Variants in WWTR1 observed in about 807,000 individuals in gnomAD.
WWTR1 encodes WW domain containing transcription regulator 1.
WWTR1 carries 13 observed loss-of-function variants against 40.1 expected under a neutral mutation model. The ratio of observed to expected loss-of-function variants is 0.32; its 90% CI spans 0.21 to 0.52. The LOEUF (loss-of-function observed/expected upper bound fraction) is 0.52, where lower values mean the gene tolerates loss of function less well. Among genes scored for constraint, WWTR1 ranks in the 20% least tolerant of loss-of-function variants. The pLI is 0.97. For missense variants in WWTR1, 436 were observed against 523.1 expected, an observed-to-expected ratio of 0.83 and a Z score of 1.63; for synonymous variants, 230 against 210.1, an observed-to-expected ratio of 1.09 and a Z score of -0.82.
At chr3:149,527,153 CTTTCT>C (rs769388536) in intron 5 of WWTR1, among the ~76,000 whole-genome samples, 51 of 144,394 alleles carry the variant, frequency 3.5e-4, no homozygotes, top group Admixed American at 4.8e-4. Context: ...CTTTTCTTTT[CTTTCT>C]TTTTTTTTTT....
intron 3 of WWTR1, among the ~76,000 whole-genome samples, chr3:149,566,469 C>G (rs1168236570): frequency 6.6e-6 from 1 of 152,042 alleles, no homozygotes; most frequent in Non-Finnish European, 1.5e-5. Flanking sequence ...GCTGCATAAA[C>G]CACAAAGTTC....
At chr3:149,714,991 C>T (rs1715569203) in intron 5 of WWTR1, among the ~76,000 whole-genome samples, 1 of 152,136 alleles carries the variant, frequency 6.6e-6, no homozygotes, top group African/African-American at 2.4e-5. Flanking sequence ...GCTACCCTCT[C>T]TGCTGACAGC....
rs530378890 is a variant in WWTR1, at chr3:149,722,888, A to C, written n.459+1192T>G. 3.3e-5 allele frequency among the ~76,000 whole-genome samples: 5 copies of C among 151,802 alleles called. No homozygotes were observed. The South Asian group carries it at 8.3e-4, about 25-fold the overall frequency. Reference sequence around the variant, plus strand: ...TTCTTTTTAGGTTTTCTATTTCTTTATTGATATTTACATTTTCTTCACATA... The same window carrying C: ...TTCTTTTTAGGTTTTCTATTTCTTTCTTGATATTTACATTTTCTTCACATA... On this transcript the variant is annotated intron_variant and non_coding_transcript_variant, in intron 4 of 6. Coordinates refer to the WWTR1 transcript ENST00000474080.
intron 2 of WWTR1, among the ~76,000 whole-genome samples, chr3:149,578,806 G>A (rs1218272725): frequency 6.6e-6 from 1 of 152,068 alleles, no homozygotes; most frequent in East Asian, 1.9e-4. Context: ...CTTGAACCGG[G>A]GAGGCGGAGG....
intron 2 of WWTR1, among the ~76,000 whole-genome samples, chr3:149,612,376 GA>G (rs1401313991): frequency 0.031 from 4,078 of 132,620 alleles, 146 homozygotes; most frequent in African/African-American, 0.098. Flanking sequence ...GAGGGGAAAA[GA>G]AAAAAAAAAA....
intron 4 of WWTR1, among the ~76,000 whole-genome samples, chr3:149,538,201 T>C (rs13060819): frequency 0.23 from 35,175 of 152,146 alleles, 4,231 homozygotes; most frequent in Non-Finnish European, 0.26. Context: ...ATTACACGCG[T>C]CAGCCACCAC....
intron 2 of WWTR1, among the ~76,000 whole-genome samples, chr3:149,653,459 G>A (rs1713017742): frequency 6.6e-6 from 1 of 152,168 alleles, no homozygotes; most frequent in Admixed American, 6.5e-5. Context: ...TTTATTTAGA[G>A]ATGGGGTGGG....
intron 4 of WWTR1, among the ~76,000 whole-genome samples, chr3:149,531,858 G>C (rs1735598110): frequency 6.6e-6 from 1 of 152,162 alleles, no homozygotes; most frequent in Non-Finnish European, 1.5e-5. Context: ...AACAGTGCTA[G>C]GCATACAGTG....
chr3:149,651,336 A>C (rs905534560), intron 2 of WWTR1, among the ~76,000 whole-genome samples: 1 of 152,208 alleles, frequency 6.6e-6, no homozygotes, highest in Non-Finnish European at 1.5e-5. Context: ...AACCAAAAAA[A>C]TAGGAAGACA....
At chr3:149,637,675 C>G (rs1711913618) in intron 2 of WWTR1, among the ~76,000 whole-genome samples, 1 of 152,092 alleles carries the variant, frequency 6.6e-6, no homozygotes, top group Admixed American at 6.5e-5. Flanking sequence ...ACAAACAAAC[C>G]TTACACGACA....
At chr3:149,697,850 C>T (rs1158414131) in intron 1 of WWTR1, among the ~76,000 whole-genome samples, 1 of 152,216 alleles carries the variant, frequency 6.6e-6, no homozygotes, top group African/African-American at 2.4e-5. Context: ...ATTGGGTAAA[C>T]ATTCCTATTC....
At chr3:149,608,801 T>G (rs938032163) in intron 2 of WWTR1, among the ~76,000 whole-genome samples, 1 of 151,972 alleles carries the variant, frequency 6.6e-6, no homozygotes, top group Non-Finnish European at 1.5e-5. Flanking sequence ...CGCTATAATC[T>G]CAGCACTTTG....
chr3:149,591,807 A>G (rs1332949163), intron 2 of WWTR1, among the ~76,000 whole-genome samples: 2 of 152,176 alleles, frequency 1.3e-5, no homozygotes, highest in South Asian at 2.1e-4. Context: ...AAATACTCAG[A>G]CCCGTAATAA....
intron 2 of WWTR1, among the ~76,000 whole-genome samples, chr3:149,629,967 C>T (rs1711507125): frequency 6.6e-6 from 1 of 152,104 alleles, no homozygotes; most frequent in African/African-American, 2.4e-5. Context: ...CCACCTCAGC[C>T]TCCCCGGTAG....
intron 1 of WWTR1, among the ~76,000 whole-genome samples, chr3:149,687,835 G>A (rs1714702276): frequency 6.6e-6 from 1 of 152,024 alleles, no homozygotes; most frequent in Non-Finnish European, 1.5e-5. Context: ...CTCCTGGATG[G>A]CATTTGTAGA....
chr3:149,636,807 T>C lies in WWTR1; in HGVS notation c.431+20069A>G, dbSNP rs112160765. Among the ~76,000 whole-genome samples, 1,250 of 151,856 alleles carry C rather than the reference T, an allele frequency of 8.2e-3. 16 individuals carry two copies. The highest frequency in any genetic ancestry group is 0.028 in the African/African-American group (1,173 of 41,438). On this transcript the variant is annotated intron_variant, in intron 2 of 6. Transcript: ENST00000360632. ...TGGGCCAGGCATTAGAGAAGTATTA[T>C]GCACAAAAAATTAGCTGGGTGTGGT...
chr3:149,642,739 C>A (rs1290907627), intron 2 of WWTR1, among the ~76,000 whole-genome samples: 3 of 149,900 alleles, frequency 2.0e-5, no homozygotes, highest in African/African-American at 7.4e-5. Context: ...CGGGCCACTG[C>A]ACTCCAGCCT....
chr3:149,678,822 A>ATT (rs57101843), intron 1 of WWTR1, among the ~76,000 whole-genome samples: 144 of 135,550 alleles, frequency 1.1e-3, no homozygotes, highest in East Asian at 2.6e-3. Context: ...GTTCACAAGT[A>ATT]TTTTTTTTTT....
At chr3:149,542,075 T>C (rs1363764461) in intron 4 of WWTR1, among the ~76,000 whole-genome samples, 2 of 152,208 alleles carry the variant, frequency 1.3e-5, no homozygotes, top group African/African-American at 4.8e-5. Context: ...CTCCTTTCTC[T>C]CCTTCTAAAG....
Sources: gnomAD v4.1 joint callset for allele counts (sites outside exome capture counted in the v4.1 genomes callset) on GRCh38, gnomAD v4.1.1 for gene constraint, MANE v1.5 for transcripts, NCBI Gene and HGNC (gene_info 2026-07-23, HGNC 2026-07-21) for gene names.